NBPF14: variants seen among roughly 807,000 people sequenced by gnomAD.
NBPF14 encodes the protein NBPF member 14.
In NBPF14, 104 loss-of-function variants were observed where a neutral mutation model predicts 91.2. The ratio of observed to expected loss-of-function variants is 1.14; its 90% CI spans 0.97 to 1.34. The LOEUF is 1.34. Ranked by LOEUF, NBPF14 falls within the 40% of genes most tolerant of loss-of-function variation. The pLI, the probability that NBPF14 is intolerant of heterozygous loss-of-function variation, is 0.00. For synonymous variants in NBPF14, 294 were observed against 303.8 expected, an observed-to-expected ratio of 0.97 and a Z score of 0.34; for missense variants, 908 against 783.0, an observed-to-expected ratio of 1.16 and a Z score of -1.91.
intron 29 of NBPF14, 62 bp downstream of exon 29, chr1:148,566,081 G>C (rs1214715621): frequency 3.9e-5 from 15 of 384,638 alleles, no homozygotes; most frequent in Non-Finnish European, 6.6e-5. Context: ...CTTGGAGCAG[G>C]AATATGATCT....
At chr1:148,589,756 G>A (rs1388305839) in intron 6 of NBPF14, among the ~76,000 whole-genome samples, 8 of 144,410 alleles carry the variant, frequency 5.5e-5, no homozygotes, top group African/African-American at 1.8e-4. Flanking sequence ...TGTTTGAGAC[G>A]GAGTCTCACT....
At chr1:148,593,157 G>A (rs1200240311) in intron 3 of NBPF14, among the ~76,000 whole-genome samples, 1 of 147,382 alleles carries the variant, frequency 6.8e-6, no homozygotes, top group African/African-American at 2.5e-5. Flanking sequence ...GCCAGGTGCA[G>A]ATGGGGCGAA....
At chr1:148,577,050 A>C in intron 15 of NBPF14, 133 bp downstream of exon 15, 2 of 664,328 alleles carry the variant, frequency 3.0e-6, no homozygotes, top group Non-Finnish European at 5.5e-6. Flanking sequence ...AGTTTCATTC[A>C]ACCTACATGT....
Position 148,589,920 on chromosome 1 carries a change from T to C in NBPF14, c.779-527A>G, listed in dbSNP as rs1256237856. ...CTAATTTTTGTATTCTTAGTAGAGA[T>C]GGGGTTTCGCCATCTTGGACAGGCT... On this transcript the variant is annotated intron_variant, in intron 6 of 70. Coordinates refer to ENST00000619423, the Ensembl canonical transcript of NBPF14. 6.8e-5 allele frequency among the ~76,000 whole-genome samples: 10 copies of C among 148,130 alleles called. 1 individual carries two copies. The highest frequency in any genetic ancestry group is 3.9e-4 in the East Asian group (2 of 5,168).
At chr1:148,534,684 T>G in exon 69 of NBPF14, 1 of 802,498 alleles carries the variant, frequency 1.2e-6, no homozygotes, top group Non-Finnish European at 2.2e-6. Context: ...AGGTACTCAC[T>G]GTCCACGTCA....
chr1:148,566,541 A>AC (rs1658405495), intron 28 of NBPF14, among the ~76,000 whole-genome samples: 19 of 117,656 alleles, frequency 1.6e-4, no homozygotes, highest in Admixed American at 4.0e-4. Flanking sequence ...ACACACACAC[A>AC]AACACACACA....
intron 34 of NBPF14, among the ~76,000 whole-genome samples, 158 bp from the exon 35 acceptor site, chr1:148,561,737 C>G (rs1320490219): frequency 8.9e-6 from 1 of 112,212 alleles, no homozygotes; most frequent in Non-Finnish European, 1.6e-5. Flanking sequence ...TGGGACAGAA[C>G]AGGGCCAAAT....
intron 28 of NBPF14, 67 bp from the exon 29 acceptor site, chr1:148,566,382 T>A (rs1211149707): frequency 5.3e-5 from 39 of 733,276 alleles, no homozygotes; most frequent in Non-Finnish European, 9.3e-5. Context: ...CTCAACTAGG[T>A]TTCATGGGTA....
At chr1:148,575,973 C>T (rs1424566539) in intron 16 of NBPF14, among the ~76,000 whole-genome samples, 162 bp from the exon 17 acceptor site, 3 of 135,616 alleles carry the variant, frequency 2.2e-5, no homozygotes, top group East Asian at 2.2e-4. Flanking sequence ...TAGACCAGGG[C>T]CAGGTAGAAA....
intron 40 of NBPF14, 22 bp downstream of exon 40, chr1:148,557,469 C>T: frequency 4.6e-6 from 3 of 645,510 alleles, no homozygotes; most frequent in Non-Finnish European, 5.3e-6. Flanking sequence ...ACAGAAGTAG[C>T]TGTTCACAAT....
rs1334164749 is a variant in NBPF14, at chr1:148,576,159, A to G, written c.2078+251T>C. Among the ~76,000 whole-genome samples the G allele has an allele frequency of 9.9e-4, 95 of 95,958 alleles. 13 individuals are homozygous for G. The highest frequency in any genetic ancestry group is 7.1e-3 in the African/African-American group (91 of 12,902). 63.0% of individuals were successfully genotyped at this position (95,958 alleles called of 152,430 possible). On this transcript the variant is annotated intron_variant, in intron 16 of 70. Transcript: ENST00000619423. ...GAGTGGGCTCAATAATTTTCCGTAAACTTGCTCAAGATTCCATGCAGTTGC... is the reference window on the plus strand; with the variant it reads ...GAGTGGGCTCAATAATTTTCCGTAAGCTTGCTCAAGATTCCATGCAGTTGC...
chr1:148,566,337 A>C lies in NBPF14; in HGVS notation c.3543-22T>G. On this transcript the variant is annotated intron_variant, in intron 28 of 70. Transcript: ENST00000619423. ...GAGCCTGGAAAAGGAGGAAAAGGTA[A>C]AGAATAAGCCAGGGGAAATCAGACA... 9.1e-6 allele frequency: 7 copies of C among 769,956 alleles called. 2 individuals are homozygous for C. Among genetic ancestry groups the C allele is most frequent in the Middle Eastern group, 3.6e-4 (1 of 2,772 alleles). The allele number at this position is 769,956 out of a possible 1,614,324, so 47.7% of individuals were successfully genotyped here. A position where few individuals can be genotyped will look rare whatever the true frequency, so the allele number is the denominator to read the frequency against.
At chr1:148,561,531 G>A in exon 35 of NBPF14, 1 of 359,316 alleles carries the variant, frequency 2.8e-6, no homozygotes, top group Non-Finnish European at 4.5e-6. Context: ...TATCCAGTGA[G>A]TCCTGCAAGA....
rs1392435206 is a variant in NBPF14, at chr1:148,566,398, G to T, written c.3543-83C>A. On this transcript the variant is annotated intron_variant, in intron 28 of 70. Coordinates refer to ENST00000619423, the Ensembl canonical transcript of NBPF14. ...TCAACTAGGTTTCATGGGTAGCATAGGGAAGTGGTTAAAAAACTAAAAGGA... is the reference window on the plus strand; with the variant it reads ...TCAACTAGGTTTCATGGGTAGCATATGGAAGTGGTTAAAAAACTAAAAGGA... 1.9e-5 allele frequency: 12 copies of T among 640,600 alleles called. 2 individuals carry two copies. The East Asian group carries it at 3.2e-4, about 17-fold the overall frequency. The allele number at this position is 640,600 out of a possible 1,614,324, so 39.7% of individuals were successfully genotyped here.
intron 7 of NBPF14, among the ~76,000 whole-genome samples, chr1:148,588,719 A>T (rs1375018712): frequency 6.6e-6 from 1 of 151,844 alleles, no homozygotes; most frequent in Non-Finnish European, 1.5e-5. Flanking sequence ...CCCTCAGAGC[A>T]GGTACTGGCT....
chr1:148,577,385 G>A (rs1660019074), intron 14 of NBPF14, 30 bp from the exon 15 acceptor site: 1 of 642,808 alleles, frequency 1.6e-6, no homozygotes, highest in Non-Finnish European at 2.8e-6. Context: ...TAAAGAATAA[G>A]CCAGGGGGAA....
chr1:148,534,615 G>C, intron 69 of NBPF14, 69 bp downstream of exon 69: 8 of 906,758 alleles, frequency 8.8e-6, no homozygotes, highest in East Asian at 7.2e-5. Context: ...AGGGCCACTT[G>C]GAATAGGAAT....
chr1:148,586,228 G>A (rs1392511868), intron 9 of NBPF14, 27 bp downstream of exon 9: 1 of 589,572 alleles, frequency 1.7e-6, no homozygotes, highest in African/African-American at 2.0e-5. Context: ...TGGGATTTTG[G>A]GTCATCAGGG....
At chr1:148,595,281 G>C (rs1663131203) in intron 2 of NBPF14, among the ~76,000 whole-genome samples, 1 of 148,066 alleles carries the variant, frequency 6.8e-6, no homozygotes, top group Admixed American at 6.7e-5. Flanking sequence ...GGAGAAAACA[G>C]GTCATTCTGT....
Sources: allele counts gnomAD v4.1 joint callset (sites outside exome capture counted in the v4.1 genomes callset), GRCh38; gene constraint gnomAD v4.1.1; transcripts MANE v1.5; gene names NCBI Gene and HGNC (gene_info 2026-07-23, HGNC 2026-07-21).